NRXN3: variants seen among roughly 807,000 people sequenced by gnomAD.
NRXN3 encodes the protein neurexin III.
In NRXN3, 32 loss-of-function variants were observed where a neutral mutation model predicts 137.6. The observed-to-expected ratio is 0.23, with a 90% CI of 0.18 to 0.31. NRXN3 has a LOEUF of 0.31. NRXN3 is among the 10% of genes least tolerant of loss of function. The pLI is 1.00. For missense variants in NRXN3, 1,574 were observed against 2,062.5 expected (o/e 0.76, Z 4.59); for synonymous variants, 798 against 784.5 (o/e 1.02, Z -0.29).
intron 15 of NRXN3, among the ~76,000 whole-genome samples, chr14:79,391,534 C>T (rs1282332247): frequency 1.3e-5 from 2 of 152,164 alleles, no homozygotes; most frequent in East Asian, 3.8e-4. Flanking sequence ...GAACATTCTA[C>T]AAATATTATC....
chr14:79,133,435 A>T (rs2057827107), intron 15 of NRXN3, among the ~76,000 whole-genome samples: 1 of 152,168 alleles, frequency 6.6e-6, no homozygotes, highest in African/African-American at 2.4e-5. Context: ...AGGTGACATT[A>T]GTCAGACTTT....
chr14:79,423,246 T>G (rs1489266599), intron 15 of NRXN3, among the ~76,000 whole-genome samples: 1 of 152,046 alleles, frequency 6.6e-6, no homozygotes, highest in Non-Finnish European at 1.5e-5. Flanking sequence ...CATATGGGGG[T>G]TTTAGTAAAA....
intron 15 of NRXN3, among the ~76,000 whole-genome samples, chr14:79,419,987 T>C (rs1286560674): frequency 3.9e-5 from 6 of 152,142 alleles, no homozygotes; most frequent in African/African-American, 1.2e-4. Flanking sequence ...ACCTGTTATG[T>C]AGAGAAGCAA....
chr14:78,468,018 G>C (rs760853669), intron 4 of NRXN3, among the ~76,000 whole-genome samples: 20 of 152,260 alleles, frequency 1.3e-4, no homozygotes, highest in Non-Finnish European at 2.6e-4. Context: ...CCGCCTCCCA[G>C]GTTCAAGCAA....
intron 6 of NRXN3, among the ~76,000 whole-genome samples, chr14:78,657,634 G>T (rs1030789433): frequency 3.9e-5 from 6 of 152,202 alleles, no homozygotes; most frequent in Non-Finnish European, 4.4e-5. Context: ...AAAACCGAAT[G>T]GAGTTTTGCA....
chr14:78,840,305 G>A (rs570977097), intron 10 of NRXN3, among the ~76,000 whole-genome samples: 1 of 152,286 alleles, frequency 6.6e-6, no homozygotes, highest in Admixed American at 6.5e-5. Flanking sequence ...CACAGTCTTT[G>A]TCCTATGGGA....
At chr14:79,032,974 C>T (rs901779065) in intron 15 of NRXN3, among the ~76,000 whole-genome samples, 2 of 152,054 alleles carry the variant, frequency 1.3e-5, no homozygotes, top group Non-Finnish European at 2.9e-5. Context: ...GAAATGGCAC[C>T]TTCAATTAAT....
At chr14:79,688,328 C>G (rs1373870427) in intron 17 of NRXN3, among the ~76,000 whole-genome samples, 1 of 152,106 alleles carries the variant, frequency 6.6e-6, no homozygotes, top group Admixed American at 6.6e-5. Context: ...AACTCAGGAC[C>G]AGATTTGTCT....
At chr14:78,305,298 T>C (rs1410803860) in intron 4 of NRXN3, among the ~76,000 whole-genome samples, 1 of 152,114 alleles carries the variant, frequency 6.6e-6, no homozygotes, top group Non-Finnish European at 1.5e-5. Flanking sequence ...TTTAAACCTT[T>C]AGGGCGGCCG....
Position 79,311,636 on chromosome 14 carries a change from T to C in NRXN3, c.3263-155585T>C, listed in dbSNP as rs2087321295. 1.6e-5 allele frequency among the ~76,000 whole-genome samples: 2 copies of C among 125,094 alleles called. 1 individual carries two copies. Among genetic ancestry groups the C allele is most frequent in the Non-Finnish European group, 3.4e-5 (2 of 59,568 alleles). The allele number at this position is 125,094 out of a possible 152,430, so 82.1% of individuals were successfully genotyped here. On this transcript the variant is annotated intron_variant, in intron 15 of 20. Transcript: ENST00000335750. ...AGCCTGATATTGGTCTCTTCAGAAA[T>C]TCAACTTCTTCCTGGTTTAGTCTTG...
chr14:79,551,178 T>C (rs1277261270), intron 16 of NRXN3, among the ~76,000 whole-genome samples: 1 of 152,318 alleles, frequency 6.6e-6, no homozygotes, highest in Non-Finnish European at 1.5e-5. Flanking sequence ...TGAATGGCAT[T>C]TCTTATGTGC....
At chr14:79,474,905 C>T (rs1387610160) in intron 16 of NRXN3, among the ~76,000 whole-genome samples, 1 of 152,048 alleles carries the variant, frequency 6.6e-6, no homozygotes, top group African/African-American at 2.4e-5. Context: ...ATGACCATCA[C>T]CACCACCAAT....
At chr14:79,225,422 C>T (rs1335958243) in intron 15 of NRXN3, among the ~76,000 whole-genome samples, 6 of 152,130 alleles carry the variant, frequency 3.9e-5, no homozygotes, top group Admixed American at 2.6e-4. Context: ...CTTTCTACTC[C>T]GTCTTTCTCG....
intron 4 of NRXN3, among the ~76,000 whole-genome samples, chr14:78,405,613 C>CGGGGGGGGGGGGGGGGGG (rs3037826): frequency 7.8e-6 from 1 of 128,772 alleles, no homozygotes; most frequent in African/African-American, 3.0e-5. Context: ...GGGGAAGGGG[C>CGGGGGGGGGGGGGGGGGG]GGGGGGGTTC....
At chr14:78,325,269 C>T (rs950554761) in intron 4 of NRXN3, among the ~76,000 whole-genome samples, 3 of 151,882 alleles carry the variant, frequency 2.0e-5, no homozygotes, top group Admixed American at 2.0e-4. Flanking sequence ...GGCACCTGAG[C>T]CATGGTGGTC....
chr14:78,987,323 A>G (rs1368417217), intron 14 of NRXN3, among the ~76,000 whole-genome samples: 1 of 152,146 alleles, frequency 6.6e-6, no homozygotes, highest in Non-Finnish European at 1.5e-5. Flanking sequence ...GCATCCTTCA[A>G]TTACCAAATG....
At chr14:79,476,556 C>A (rs1021501111) in intron 16 of NRXN3, among the ~76,000 whole-genome samples, 1 of 152,078 alleles carries the variant, frequency 6.6e-6, no homozygotes, top group African/African-American at 2.4e-5. Flanking sequence ...TTTTCCTCCT[C>A]CATTTCTGTA....
At chr14:78,697,900 C>A (rs917097715) in intron 6 of NRXN3, 2 of 151,982 alleles carry the variant, frequency 1.3e-5, no homozygotes, top group African/African-American at 4.8e-5. Flanking sequence ...CAGAGGGGCT[C>A]TTTGGAGCAC....
At chr14:79,579,860 C>T (rs545551951) in intron 16 of NRXN3, among the ~76,000 whole-genome samples, 164 of 152,274 alleles carry the variant, frequency 1.1e-3, no homozygotes, top group African/African-American at 3.8e-3. Context: ...TCACCCTACT[C>T]TGCTATCAAA....
Sources: allele counts gnomAD v4.1 joint callset (sites outside exome capture counted in the v4.1 genomes callset), GRCh38; gene constraint gnomAD v4.1.1; transcripts MANE v1.5; gene names NCBI Gene and HGNC (gene_info 2026-07-23, HGNC 2026-07-21).